The following KLHL1 variants were observed in gnomAD, a reference collection of about 807,000 sequenced individuals.
KLHL1 encodes the protein kelch-like protein 1.
In KLHL1, 47 loss-of-function variants were observed where a neutral mutation model predicts 77.7. That is an observed-to-expected ratio of 0.60 (90% CI 0.48 to 0.77). KLHL1 has a LOEUF of 0.77. Among genes scored for constraint, KLHL1 ranks in the 30% least tolerant of loss-of-function variants. The pLI is 0.00. For synonymous variants in KLHL1, 360 were observed against 325.2 expected, an observed-to-expected ratio of 1.11 and a Z score of -1.15; for missense variants, 925 against 910.8, an observed-to-expected ratio of 1.02 and a Z score of -0.20.
rs747115343 is a variant in KLHL1, at chr13:70,081,218, A to G, written c.497+25985T>C. Among the ~76,000 whole-genome samples, 23 of 152,176 alleles carry G rather than the reference A, an allele frequency of 1.5e-4. 1 individual carries two copies. Among genetic ancestry groups the G allele is most frequent in the Non-Finnish European group, 1.0e-4 (7 of 68,046 alleles). On this transcript the variant is annotated intron_variant, in intron 1 of 10. Transcript: ENST00000377844. ...ACTGCTTCAACTCTAGGTAACTGGT[A>G]CCACTGGCTCATTAACTTTCTACTG...
chr13:69,960,306 T>C (rs180834232), intron 3 of KLHL1, among the ~76,000 whole-genome samples: 1 of 151,992 alleles, frequency 6.6e-6, no homozygotes. Context: ...AAAATAAAAC[T>C]CCTTAAACTA....
At chr13:70,070,123 A>G (rs1887105788) in intron 1 of KLHL1, among the ~76,000 whole-genome samples, 2 of 151,570 alleles carry the variant, frequency 1.3e-5, no homozygotes, top group South Asian at 2.1e-4. Context: ...AGCCGAGTCC[A>G]GCCTGGGTGA....
Position 70,107,946 on chromosome 13 carries a change from G to C in KLHL1, c.-247C>G, listed in dbSNP as rs192961688. 21 of 466,594 alleles carry C rather than the reference G, an allele frequency of 4.5e-5. No individual in the cohort carries two copies. The Admixed American group carries it at 7.6e-4, about 17-fold the overall frequency. 28.9% of individuals were successfully genotyped at this position (466,594 alleles called of 1,614,324 possible). ...TGGGCGTGGGGACACCACCAGGCAG[G>C]AGCAGAGGCAGGACTGGGACGCCAA... On this transcript the variant is annotated 5_prime_UTR_variant, in exon 1 of 11. Transcript: ENST00000377844.
intron 1 of KLHL1, among the ~76,000 whole-genome samples, chr13:69,985,757 A>G (rs565409060): frequency 4.1e-4 from 61 of 147,678 alleles, no homozygotes; most frequent in Admixed American, 4.8e-4. Context: ...GGCTAAATGG[A>G]TAAACAAAAA....
intron 4 of KLHL1, among the ~76,000 whole-genome samples, chr13:69,883,717 A>G (rs1235203037): frequency 1.3e-5 from 2 of 152,246 alleles, no homozygotes; most frequent in Non-Finnish European, 2.9e-5. Flanking sequence ...GAGAAAAACA[A>G]AATTGTAGAA....
chr13:69,785,508 G>C (rs1361001824), intron 7 of KLHL1, among the ~76,000 whole-genome samples: 2 of 152,112 alleles, frequency 1.3e-5, no homozygotes, highest in East Asian at 1.9e-4. Flanking sequence ...TCAAAGCAGT[G>C]TGTGGGTAGA....
intron 6 of KLHL1, among the ~76,000 whole-genome samples, chr13:69,804,347 T>C (rs1276374620): frequency 1.3e-5 from 2 of 152,116 alleles, no homozygotes; most frequent in African/African-American, 4.8e-5. Flanking sequence ...ACACTCTAGT[T>C]TGGCAATACA....
chr13:69,846,955 GT>G, intron 5 of KLHL1, among the ~76,000 whole-genome samples: 1 of 151,498 alleles, frequency 6.6e-6, no homozygotes, highest in East Asian at 1.9e-4. Context: ...ATTTTGCAGT[GT>G]TTTTGCAATC....
chr13:69,791,897 AACC>A (rs1384938133), intron 7 of KLHL1, among the ~76,000 whole-genome samples: 6 of 152,204 alleles, frequency 3.9e-5, no homozygotes, highest in Non-Finnish European at 8.8e-5. Context: ...TTATCAATAA[AACC>A]ACAAGCTAAA....
chr13:69,899,450 A>C (rs544490840), intron 4 of KLHL1, among the ~76,000 whole-genome samples: 1 of 152,216 alleles, frequency 6.6e-6, no homozygotes, highest in Non-Finnish European at 1.5e-5. Context: ...TCTTCACCTC[A>C]ATCTTACGGT....
intron 1 of KLHL1, among the ~76,000 whole-genome samples, chr13:70,079,690 T>C (rs1322709867): frequency 1.3e-5 from 2 of 152,184 alleles, no homozygotes; most frequent in African/African-American, 4.8e-5. Context: ...GCTTTAAGCA[T>C]ATTAATTCAT....
At chr13:69,849,299 G>A (rs1593885312) in intron 5 of KLHL1, among the ~76,000 whole-genome samples, 1 of 151,406 alleles carries the variant, frequency 6.6e-6, no homozygotes, top group Admixed American at 6.6e-5. Flanking sequence ...TTGTTTGTAA[G>A]ACATTATTCA....
chr13:69,815,392 C>T (rs1452020217), intron 6 of KLHL1, among the ~76,000 whole-genome samples: 2 of 152,162 alleles, frequency 1.3e-5, no homozygotes, highest in Admixed American at 6.6e-5. Flanking sequence ...AATGAAATCA[C>T]GTCCTTTGCA....
At chr13:69,733,123 A>G (rs192088507) in intron 8 of KLHL1, among the ~76,000 whole-genome samples, 2 of 152,268 alleles carry the variant, frequency 1.3e-5, no homozygotes, top group Admixed American at 1.3e-4. Flanking sequence ...AATAACTGAT[A>G]AATGACTGTT....
rs557048082 is a variant in KLHL1 at position 69,768,568 on chromosome 13, TA to T, written c.1640-28013del. Among the ~76,000 whole-genome samples, 266 of 152,246 alleles carry T rather than the reference TA, an allele frequency of 1.7e-3. 1 individual carries two copies. Among genetic ancestry groups the T allele is most frequent in the African/African-American group, 5.9e-3 (246 of 41,580 alleles). On this transcript the variant is annotated intron_variant, in intron 7 of 10. Transcript: ENST00000377844. The stretch of plus-strand genomic sequence containing the variant: ...GTTGTACAATAGTTTGAAAGAAAAT[TA>T]AAAGATAAAACATTGAGAAAATTTT...
At chr13:69,861,952 C>T (rs570586974) in intron 5 of KLHL1, among the ~76,000 whole-genome samples, 33 of 134,210 alleles carry the variant, frequency 2.5e-4, no homozygotes, top group African/African-American at 7.1e-4. Context: ...GCAACAAGAG[C>T]GAAACTCCGT....
At position 69,978,675 on chromosome 13, in the gene KLHL1, C is replaced by T. The variant is rs138570916; in HGVS notation, c.498-2873G>A. ...CTCATTTTTGTATTTTTAGTGGAGA[C>T]GGGGTTTCACCATGTTTGTCAGGCT... On this transcript the variant is annotated intron_variant, in intron 1 of 10. Transcript: ENST00000377844. 7.2e-3 allele frequency among the ~76,000 whole-genome samples: 1,093 copies of T among 151,816 alleles called. 17 individuals are homozygous for T. The highest frequency in any genetic ancestry group is 0.025 in the African/African-American group (1,035 of 41,396).
chr13:70,019,628 C>CT (rs1328836639), intron 1 of KLHL1, among the ~76,000 whole-genome samples: 1 of 152,110 alleles, frequency 6.6e-6, no homozygotes, highest in Non-Finnish European at 1.5e-5. Context: ...ATTACTACCT[C>CT]TATTTTACAA....
chr13:69,838,078 A>T (rs1219523393), intron 6 of KLHL1, among the ~76,000 whole-genome samples: 1 of 151,794 alleles, frequency 6.6e-6, no homozygotes, highest in African/African-American at 2.4e-5. Context: ...ACAACAAATG[A>T]GAATGTGTCA....
Sources: gnomAD v4.1 joint callset for allele counts (sites outside exome capture counted in the v4.1 genomes callset) on GRCh38, gnomAD v4.1.1 for gene constraint, MANE v1.5 for transcripts, NCBI Gene and HGNC (gene_info 2026-07-23, HGNC 2026-07-21) for gene names.